TMEM260: variants seen among roughly 807,000 people sequenced by gnomAD.
TMEM260 encodes the protein protein O-mannosyl-transferase TMEM260.
A neutral mutation model predicts 88.9 loss-of-function variants in TMEM260; 82 were observed. The ratio of observed to expected loss-of-function variants is 0.92; its 90% CI spans 0.77 to 1.11. The LOEUF (loss-of-function observed/expected upper bound fraction) is 1.11. TMEM260 is among the 50% of genes least tolerant of loss of function. TMEM260 has a pLI of 0.00. For synonymous variants in TMEM260, 314 were observed against 309.3 expected, an observed-to-expected ratio of 1.02 and a Z score of -0.16; for missense variants, 902 against 853.4, an observed-to-expected ratio of 1.06 and a Z score of -0.71.
intron 15 of TMEM260, among the ~76,000 whole-genome samples, chr14:56,641,712 C>T (rs990395670): frequency 6.6e-6 from 1 of 152,198 alleles, no homozygotes; most frequent in Non-Finnish European, 1.5e-5. Flanking sequence ...TTAAAAGACA[C>T]AGACTGGCAA....
intron 1 of TMEM260, 21 bp downstream of exon 1, chr14:56,580,095 C>T (rs920236972): frequency 2.2e-5 from 27 of 1,248,724 alleles, no homozygotes; most frequent in Non-Finnish European, 2.5e-5. Context: ...CGCAGGGTTG[C>T]CCCTTCTGTC....
rs746867334 is a variant in TMEM260 at position 56,634,978 on chromosome 14, G to A, written c.1778+26G>A. 9 of 1,607,688 alleles carry A rather than the reference G, an allele frequency of 5.6e-6. No homozygotes were observed. The African/African-American group carries it at 1.2e-4, about 21-fold the overall frequency. The stretch of plus-strand genomic sequence containing the variant: ...GTGACTATTCTACATTTTTGTGTGT[G>A]CAGTCTATTTTTAATATGGCAGGGA... On this transcript the variant is annotated intron_variant, in intron 14 of 15. Transcript: ENST00000261556.
chr14:56,581,749 T>TAAGTCACTAAG, intron 1 of TMEM260, among the ~76,000 whole-genome samples: 1 of 152,326 alleles, frequency 6.6e-6, no homozygotes, highest in East Asian at 1.9e-4. Context: ...GGCTAAGCTA[T>TAAGTCACTAAG]GCCCAAAGTC....
chr14:56,641,384 T>G (rs1007203775), intron 15 of TMEM260, among the ~76,000 whole-genome samples: 1 of 152,176 alleles, frequency 6.6e-6, no homozygotes, highest in Non-Finnish European at 1.5e-5. Flanking sequence ...GAAAAGAATT[T>G]TCAACCCAGA....
intron 3 of TMEM260, among the ~76,000 whole-genome samples, chr14:56,601,990 T>A (rs919135081): frequency 6.6e-6 from 1 of 152,298 alleles, no homozygotes; most frequent in South Asian, 2.1e-4. Context: ...GAATATTGTA[T>A]CTTATGCTGA....
chr14:56,647,699 G>T lies in TMEM260; in HGVS notation c.*202G>T, dbSNP rs749978178. ...ATTTATGCAAAATTCTGTTTATCCC[G>T]TGTTACCAAATTACCATTTCAGTGA... On this transcript the variant is annotated 3_prime_UTR_variant, in exon 16 of 16. Transcript: ENST00000261556. The T allele has an allele frequency of 1.1e-5, 6 of 559,938 alleles. No individual in the cohort carries two copies. The highest frequency in any genetic ancestry group is 1.5e-5 in the Non-Finnish European group (5 of 333,436). The allele number at this position is 559,938 out of a possible 1,614,324, so 34.7% of individuals were successfully genotyped here.
intron 15 of TMEM260, among the ~76,000 whole-genome samples, chr14:56,641,935 A>T (rs1276094805): frequency 6.6e-6 from 1 of 152,244 alleles, no homozygotes; most frequent in Non-Finnish European, 1.5e-5. Flanking sequence ...ATAATAGTAA[A>T]GGGATCAATT....
intron 3 of TMEM260, among the ~76,000 whole-genome samples, chr14:56,595,202 A>G (rs539708298): frequency 1.0e-3 from 155 of 152,342 alleles, no homozygotes; most frequent in African/African-American, 3.5e-3. Flanking sequence ...ATATGCCTTC[A>G]GATATATTTG....
intron 12 of TMEM260, among the ~76,000 whole-genome samples, chr14:56,632,240 ATTTC>A (rs1284353809): frequency 6.6e-6 from 1 of 152,114 alleles, no homozygotes; most frequent in Non-Finnish European, 1.5e-5. Context: ...TGGGGCTTTA[ATTTC>A]TTTCTTCTGC....
intron 7 of TMEM260, 171 bp downstream of exon 7, chr14:56,612,456 G>C (rs1887342401): frequency 1.6e-6 from 1 of 624,210 alleles, no homozygotes; most frequent in Non-Finnish European, 2.8e-6. Context: ...AGTATCCATG[G>C]GGTATTGGTT....
Position 56,617,649 on chromosome 14 carries a change from C to G in TMEM260, c.1056+352C>G, listed in dbSNP as rs73277622. 8.9e-3 allele frequency among the ~76,000 whole-genome samples: 1,359 copies of G among 152,170 alleles called. 26 individuals are homozygous for G. The highest frequency in any genetic ancestry group is 0.031 in the African/African-American group (1,304 of 41,530). On this transcript the variant is annotated intron_variant, in intron 9 of 15. Coordinates refer to ENST00000261556, the MANE Select transcript of TMEM260 (RefSeq NM_017799.4). ...TTGAGGGCACTTAACAACATATTTC[C>G]TTATTTCTTACCTCCCCAGTCCCAG...
chr14:56,601,690 T>A (rs957000882), intron 3 of TMEM260, among the ~76,000 whole-genome samples: 2 of 152,174 alleles, frequency 1.3e-5, no homozygotes, highest in African/African-American at 4.8e-5. Flanking sequence ...AGGCCAATGA[T>A]GTCCTTCTCA....
intron 10 of TMEM260, chr14:56,619,241 A>C (rs762020604): frequency 6.4e-5 from 10 of 155,740 alleles, no homozygotes; most frequent in Non-Finnish European, 1.3e-4. Context: ...GCATGATCGT[A>C]GCTTACTACA....
intron 14 of TMEM260, among the ~76,000 whole-genome samples, chr14:56,635,968 T>C (rs1408301970): frequency 2.6e-5 from 4 of 152,218 alleles, no homozygotes; most frequent in African/African-American, 9.6e-5. Flanking sequence ...ATCAAAGATA[T>C]ACCATATGTT....
At chr14:56,649,872 A>G (rs944630778), downstream of TMEM260, among the ~76,000 whole-genome samples, 13 of 152,222 alleles carry the variant, frequency 8.5e-5, no homozygotes, top group Non-Finnish European at 1.5e-5. Flanking sequence ...AACCAATGAT[A>G]TGATGGCCCG....
the TMEM260 span, among the ~76,000 whole-genome samples, chr14:56,657,832 T>C: frequency 6.6e-6 from 1 of 152,300 alleles, no homozygotes; most frequent in East Asian, 1.9e-4. Context: ...TAGACCACAC[T>C]TTTATTTTGG....
chr14:56,614,682 AG>A (rs1362718303), intron 7 of TMEM260, among the ~76,000 whole-genome samples: 1 of 152,144 alleles, frequency 6.6e-6, no homozygotes, highest in Non-Finnish European at 1.5e-5. Flanking sequence ...CTGTATACCC[AG>A]AAAAAAGACT....
chr14:56,638,764 C>G (rs752650945), intron 15 of TMEM260, among the ~76,000 whole-genome samples: 2 of 151,962 alleles, frequency 1.3e-5, no homozygotes, highest in Non-Finnish European at 2.9e-5. Context: ...ATAGCTCATA[C>G]AGAATATTAA....
intron 15 of TMEM260, among the ~76,000 whole-genome samples, chr14:56,645,823 C>T (rs2139659667): frequency 6.6e-6 from 1 of 152,202 alleles, no homozygotes; most frequent in African/African-American, 2.4e-5. Flanking sequence ...AGAGAAACCA[C>T]TGGAGAAAAA....
Sources: gnomAD v4.1 joint callset for allele counts (sites outside exome capture counted in the v4.1 genomes callset) on GRCh38, gnomAD v4.1.1 for gene constraint, MANE v1.5 for transcripts, NCBI Gene and HGNC (gene_info 2026-07-23, HGNC 2026-07-21) for gene names.